TAOK3: variants seen among roughly 807,000 people sequenced by gnomAD.
TAOK3 encodes the protein TAO kinase 3.
In TAOK3, 40 loss-of-function variants were observed where a neutral mutation model predicts 120.4. That is an observed-to-expected ratio of 0.33 (90% CI 0.26 to 0.43). The LOEUF (loss-of-function observed/expected upper bound fraction) is 0.43, where lower values mean the gene tolerates loss of function less well. TAOK3 is among the 20% of genes least tolerant of loss of function. The pLI is 1.00. For synonymous variants in TAOK3, 355 were observed against 387.5 expected (o/e 0.92, Z 0.99); for missense variants, 821 against 1,112.1 (o/e 0.74, Z 3.72).
chr12:118,329,217 C>T (rs2044049697), intron 1 of TAOK3, among the ~76,000 whole-genome samples: 1 of 152,036 alleles, frequency 6.6e-6, no homozygotes, highest in African/African-American at 2.4e-5. Flanking sequence ...GATGTTTGGA[C>T]CTTTAAACTC....
At position 118,156,997 on chromosome 12, in the gene TAOK3, C is replaced by T. The variant is rs975220245; in HGVS notation, c.2352+3149G>A. On this transcript the variant is annotated intron_variant, in intron 19 of 20. Coordinates refer to ENST00000392533, the MANE Select transcript of TAOK3 (RefSeq NM_016281.4). Reference sequence around the variant, plus strand: ...TCAGGTGATCTGCCTGCCTCGGCCTCCCAAAGTGCTAGGATTACAGGCATG... The same window carrying T: ...TCAGGTGATCTGCCTGCCTCGGCCTTCCAAAGTGCTAGGATTACAGGCATG... Among the ~76,000 whole-genome samples the T allele has an allele frequency of 7.2e-5, 11 of 152,230 alleles. No homozygotes were observed. In the South Asian group the frequency reaches 1.2e-3, roughly 17 times the overall value.
intron 1 of TAOK3, among the ~76,000 whole-genome samples, chr12:118,312,520 G>A (rs1056478256): frequency 6.6e-6 from 1 of 152,066 alleles, no homozygotes; most frequent in African/African-American, 2.4e-5. Context: ...AGCAAGGGAT[G>A]TTTCTTGAAA....
intron 1 of TAOK3, among the ~76,000 whole-genome samples, chr12:118,320,137 G>C (rs992119807): frequency 1.3e-5 from 2 of 152,086 alleles, no homozygotes; most frequent in African/African-American, 4.8e-5. Context: ...GAAATATTTA[G>C]AATAGGCAAA....
intron 11 of TAOK3, among the ~76,000 whole-genome samples, chr12:118,212,486 A>G (rs1003472449): frequency 6.6e-6 from 1 of 152,242 alleles, no homozygotes; most frequent in African/African-American, 2.4e-5. Context: ...TATAGTTATC[A>G]TACACCTTCA....
chr12:118,235,678 G>GAAA lies in TAOK3; in HGVS notation c.438-10_438-8dup, dbSNP rs5801274. ...ATTTCCTGCTTTAATATCCCTATAG[G>GAAA]AAAAAAAAAAAGGGTTAGAAAATTA... is the stretch of plus-strand genomic sequence containing the variant. On this transcript the variant is annotated splice_polypyrimidine_tract_variant and splice_region_variant and intron_variant, in intron 7 of 20. Transcript: ENST00000392533. The GAAA allele has an allele frequency of 4.7e-5, 62 of 1,324,634 alleles. No homozygotes were observed. Among genetic ancestry groups the GAAA allele is most frequent in the Non-Finnish European group, 5.2e-5 (50 of 957,088 alleles). The allele number at this position is 1,324,634 out of a possible 1,614,324, so 82.1% of individuals were successfully genotyped here.
In TAOK3 at chr12:118,268,971, G is replaced by T. The variant is rs138846035; in HGVS notation, c.-193-2212C>A. ...TGGGGTGAGCCGAGATCATGCCATT[G>T]CACTCCGGCCTGGCAACAAGAGCAA... On this transcript the variant is annotated intron_variant, in intron 1 of 20. Coordinates refer to ENST00000392533, the MANE Select transcript of TAOK3 (RefSeq NM_016281.4). 8.4e-3 allele frequency among the ~76,000 whole-genome samples: 1,278 copies of T among 152,048 alleles called. 11 individuals are homozygous for T. Among genetic ancestry groups the T allele is most frequent in the African/African-American group, 0.028 (1,179 of 41,486 alleles).
rs149240663 is a variant in TAOK3, at chr12:118,194,664, T to G, written c.1194+4387A>C. Among the ~76,000 whole-genome samples the G allele has an allele frequency of 1.4e-4, 22 of 151,886 alleles. 1 individual carries two copies. In the East Asian group the frequency reaches 2.1e-3, roughly 15 times the overall value. On this transcript the variant is annotated intron_variant, in intron 13 of 20. Coordinates refer to ENST00000392533, the MANE Select transcript of TAOK3 (RefSeq NM_016281.4). ...CGCAAAGGTGGTGAAAGCTGTTCTT[T>G]TTTTAAAGAGGGGATGGGAAAAGAA...
chr12:118,352,106 T>C (rs562559309), intron 1 of TAOK3, among the ~76,000 whole-genome samples: 60 of 151,650 alleles, frequency 4.0e-4, no homozygotes, highest in African/African-American at 1.4e-3. Flanking sequence ...TCTCCTGACC[T>C]CGTGGTCCGC....
At chr12:118,348,447 T>C (rs1429987302) in intron 1 of TAOK3, among the ~76,000 whole-genome samples, 4 of 152,084 alleles carry the variant, frequency 2.6e-5, no homozygotes, top group Non-Finnish European at 5.9e-5. Flanking sequence ...TATTTCTTTC[T>C]TTCTTTCTTT....
chr12:118,174,410 A>T (rs1210260251), intron 16 of TAOK3, among the ~76,000 whole-genome samples: 3 of 151,400 alleles, frequency 2.0e-5, no homozygotes, highest in Non-Finnish European at 2.9e-5. Flanking sequence ...GTTCAAAGAC[A>T]GAAGTGTAGG....
At position 118,161,662 on chromosome 12, in the gene TAOK3, GA is replaced by G; in HGVS notation, c.2139+125del. On this transcript the variant is annotated intron_variant, in intron 18 of 20. Transcript: ENST00000392533. This position sits in a 1 kb window ranked among gnomAD's most constrained non-coding sequence, Gnocchi z 4.5. ...ATAGACTCTGTGCTTTGCAACTGGA[GA>G]TTCTGATACAATAGGTGTGGGGTGC... The G allele has an allele frequency of 7.9e-7, 1 of 1,267,816 alleles. No homozygotes were observed. The highest frequency in any genetic ancestry group is 1.1e-6 in the Non-Finnish European group (1 of 906,238). 78.5% of individuals were successfully genotyped at this position (1,267,816 alleles called of 1,614,324 possible). A position where few individuals can be genotyped will look rare whatever the true frequency, so the allele number is the denominator to read the frequency against.
chr12:118,324,054 TGCTGA>T (rs1249252520), intron 1 of TAOK3, among the ~76,000 whole-genome samples: 1 of 152,206 alleles, frequency 6.6e-6, no homozygotes, highest in Non-Finnish European at 1.5e-5. Flanking sequence ...AAGCACTGTC[TGCTGA>T]GCTAACAAAA....
intron 2 of TAOK3, among the ~76,000 whole-genome samples, chr12:118,262,483 A>G (rs1459890261): frequency 1.3e-5 from 2 of 151,974 alleles, no homozygotes; most frequent in Non-Finnish European, 2.9e-5. Flanking sequence ...CTCCATCTCA[A>G]AGAGAAAGAA....
chr12:118,342,070 A>G (rs929835275), intron 1 of TAOK3, among the ~76,000 whole-genome samples: 1 of 149,624 alleles, frequency 6.7e-6, no homozygotes, highest in Non-Finnish European at 1.5e-5. Context: ...GTGATCTCTC[A>G]TTTTTTTTTT....
At chr12:118,221,698 G>A (rs1468537359) in intron 9 of TAOK3, among the ~76,000 whole-genome samples, 4 of 146,470 alleles carry the variant, frequency 2.7e-5, no homozygotes, top group Non-Finnish European at 5.9e-5. Context: ...GCAGTGGCGC[G>A]ATCTCAGCTC....
chr12:118,249,032 C>T (rs1049801227), intron 3 of TAOK3, among the ~76,000 whole-genome samples: 1 of 152,064 alleles, frequency 6.6e-6, no homozygotes, highest in East Asian at 1.9e-4. Context: ...GGGGTCTCAG[C>T]TTTCTAGTGC....
At chr12:118,256,545 T>C (rs894925155) in intron 2 of TAOK3, among the ~76,000 whole-genome samples, 2 of 152,208 alleles carry the variant, frequency 1.3e-5, no homozygotes, top group Admixed American at 6.5e-5. Context: ...CAAAATGTGG[T>C]ATATCCATAT....
intron 1 of TAOK3, among the ~76,000 whole-genome samples, chr12:118,345,289 G>T (rs754801404): frequency 6.6e-6 from 1 of 152,132 alleles, no homozygotes; most frequent in Admixed American, 6.5e-5. Context: ...AAATGGACAA[G>T]AAATATTCAT....
chr12:118,335,004 C>T (rs1000633818), intron 1 of TAOK3, among the ~76,000 whole-genome samples: 1 of 151,454 alleles, frequency 6.6e-6, no homozygotes, highest in East Asian at 1.9e-4. Context: ...CATGGTGAAA[C>T]CCCAACTCTA....
Sources: allele counts gnomAD v4.1 joint callset (sites outside exome capture counted in the v4.1 genomes callset), GRCh38; gene constraint gnomAD v4.1.1; non-coding constraint Gnocchi (gnomAD v3.1); transcripts MANE v1.5; gene names NCBI Gene and HGNC (gene_info 2026-07-23, HGNC 2026-07-21).